Variants in TP63 observed in about 807,000 individuals in gnomAD.
TP63 encodes tumor protein 63.
A neutral mutation model predicts 82.8 loss-of-function variants in TP63; 17 were observed. The ratio of observed to expected loss-of-function variants is 0.21; its 90% CI spans 0.14 to 0.31. The LOEUF is 0.31. Among genes scored for constraint, TP63 ranks in the 10% least tolerant of loss-of-function variants. TP63 has a pLI of 1.00. For synonymous variants in TP63, 330 were observed against 321.7 expected, an observed-to-expected ratio of 1.03 and a Z score of -0.28; for missense variants, 648 against 895.3, an observed-to-expected ratio of 0.72 and a Z score of 3.52.
chr3:189,623,010 T>A, the TP63 span, among the ~76,000 whole-genome samples: 1 of 152,230 alleles, frequency 6.6e-6, no homozygotes, highest in South Asian at 2.1e-4. Context: ...TCAGTATGGC[T>A]AATTTTCAAA....
upstream of TP63, chr3:189,631,193 A>G: frequency 4.1e-6 from 4 of 982,354 alleles, no homozygotes; most frequent in Non-Finnish European, 4.8e-6. Context: ...CAAATTGCCA[A>G]CAACAAGTGT....
intron 4 of TP63, among the ~76,000 whole-genome samples, chr3:189,836,214 A>G (rs1395370792): frequency 6.6e-6 from 1 of 152,208 alleles, no homozygotes; most frequent in East Asian, 1.9e-4. Flanking sequence ...AATCAAATGT[A>G]CACGTGCAAC....
At chr3:189,854,138 ATGT>A (rs771273705) in intron 4 of TP63, among the ~76,000 whole-genome samples, 4 of 152,164 alleles carry the variant, frequency 2.6e-5, no homozygotes, top group Non-Finnish European at 1.5e-5. Context: ...TAAGTATTGA[ATGT>A]TGTACAAATG....
At chr3:189,859,658 A>C (rs1716758928) in intron 4 of TP63, among the ~76,000 whole-genome samples, 1 of 152,200 alleles carries the variant, frequency 6.6e-6, no homozygotes, top group Non-Finnish European at 1.5e-5. Context: ...GTTAGTAAGC[A>C]TACACTTACC....
At chr3:189,719,568 A>T (rs1240459958) in intron 1 of TP63, among the ~76,000 whole-genome samples, 8 of 152,194 alleles carry the variant, frequency 5.3e-5, no homozygotes, top group Admixed American at 3.3e-4. Flanking sequence ...CTGTAAAAAA[A>T]TCAGATTGAA....
intron 10 of TP63, among the ~76,000 whole-genome samples, chr3:189,885,237 T>C (rs1268562829): frequency 6.6e-6 from 1 of 152,228 alleles, no homozygotes; most frequent in African/African-American, 2.4e-5. Flanking sequence ...TAATTCAGTG[T>C]AGATGCTGCA....
rs1340352017 is a variant in TP63 at position 189,886,559 on chromosome 3, C to T, written c.1507+8C>T. 1 of 1,613,852 alleles carries T rather than the reference C, an allele frequency of 6.2e-7. No homozygotes were observed. Among genetic ancestry groups the T allele is most frequent in the Admixed American group, 1.7e-5 (1 of 60,020 alleles). ...ATGGCATGGGAGCCAACAGTAAGAG[C>T]ATCTCCTTTTAGCTGTGGCTGAAGG... On this transcript the variant is annotated splice_region_variant and intron_variant, in intron 11 of 13. Transcript: ENST00000264731.
chr3:189,624,284 A>G, the TP63 span, among the ~76,000 whole-genome samples: 2 of 152,136 alleles, frequency 1.3e-5, no homozygotes, highest in Admixed American at 6.5e-5. Flanking sequence ...CTGAAACTCT[A>G]TACTCATTAA....
chr3:189,801,333 G>A (rs190229345), intron 3 of TP63, among the ~76,000 whole-genome samples: 32 of 152,118 alleles, frequency 2.1e-4, no homozygotes, highest in Admixed American at 7.9e-4. Context: ...CTGAAATTCT[G>A]AATATTTCCC....
chr3:189,679,587 C>T (rs2108688664), intron 1 of TP63, among the ~76,000 whole-genome samples: 1 of 152,136 alleles, frequency 6.6e-6, no homozygotes, highest in Non-Finnish European at 1.5e-5. Flanking sequence ...TAGGTGACCT[C>T]TTCATTCTGT....
intron 1 of TP63, among the ~76,000 whole-genome samples, chr3:189,647,478 C>CCTCCT (rs1243786747): frequency 2.0e-5 from 3 of 146,878 alleles, no homozygotes; most frequent in Non-Finnish European, 1.5e-5. Context: ...CTCAACAGGT[C>CCTCCT]CTCCTCTGGT....
At chr3:189,815,638 A>G (rs1728103165) in intron 4 of TP63, among the ~76,000 whole-genome samples, 1 of 152,222 alleles carries the variant, frequency 6.6e-6, no homozygotes, top group Non-Finnish European at 1.5e-5. Context: ...GTTGTAAAAC[A>G]CTACAGGCCA....
intron 1 of TP63, among the ~76,000 whole-genome samples, chr3:189,668,194 C>A (rs1335946644): frequency 6.6e-6 from 1 of 151,742 alleles, no homozygotes; most frequent in Non-Finnish European, 1.5e-5. Context: ...TATGATAGAG[C>A]TACTTATTTG....
intron 1 of TP63, among the ~76,000 whole-genome samples, chr3:189,700,802 C>A (rs553069379): frequency 1.3e-5 from 2 of 152,182 alleles, no homozygotes; most frequent in East Asian, 3.9e-4. Flanking sequence ...ATAATGAGTT[C>A]TTTTACATCC....
At chr3:189,648,497 C>A (rs1712610189) in intron 1 of TP63, among the ~76,000 whole-genome samples, 2 of 147,188 alleles carry the variant, frequency 1.4e-5, no homozygotes, top group Admixed American at 6.7e-5. Context: ...ACGGAGAAAT[C>A]ATTAATAAAT....
chr3:189,703,574 A>G (rs145619293), intron 1 of TP63, among the ~76,000 whole-genome samples: 1 of 152,206 alleles, frequency 6.6e-6, no homozygotes, highest in Non-Finnish European at 1.5e-5. Flanking sequence ...ATAAGATGAT[A>G]TTGAAAGAAA....
the TP63 span, among the ~76,000 whole-genome samples, chr3:189,597,229 G>A: frequency 1.3e-5 from 2 of 152,108 alleles, no homozygotes; most frequent in Non-Finnish European, 2.9e-5. Context: ...ACAAAGGTGG[G>A]GAAACCTTGG....
At chr3:189,631,616 T>G (rs778575910) in intron 1 of TP63, 39 bp downstream of exon 1, 11 of 1,612,010 alleles carry the variant, frequency 6.8e-6, no homozygotes, top group Non-Finnish European at 9.3e-6. Context: ...CAAAACTTAA[T>G]TGAAGTGCCT....
intron 12 of TP63, among the ~76,000 whole-genome samples, chr3:189,889,732 C>T (rs953926446): frequency 6.6e-6 from 1 of 152,200 alleles, no homozygotes; most frequent in African/African-American, 2.4e-5. Context: ...CTGTTTCCCT[C>T]GCCTTCACTT....
Sources: allele counts gnomAD v4.1 joint callset (sites outside exome capture counted in the v4.1 genomes callset), GRCh38; gene constraint gnomAD v4.1.1; transcripts MANE v1.5; gene names NCBI Gene and HGNC (gene_info 2026-07-23, HGNC 2026-07-21).